Variants in CFAP418 observed in about 807,000 individuals in gnomAD.
CFAP418 encodes the protein cilia- and flagella-associated protein 418.
Under a neutral mutation model 24.7 loss-of-function variants are expected in CFAP418, and 27 were observed. That is an observed-to-expected ratio of 1.09 (90% CI 0.81 to 1.51). The LOEUF (loss-of-function observed/expected upper bound fraction) is 1.51, where lower values mean the gene tolerates loss of function less well. Ranked by LOEUF, CFAP418 falls within the 40% of genes most tolerant of loss-of-function variation. The probability of loss-of-function intolerance (pLI) is 0.00; values close to 1 mark genes in which losing one functional copy is unlikely to be tolerated. For synonymous variants in CFAP418, 74 were observed against 87.3 expected (o/e 0.85, Z 0.85); for missense variants, 257 against 255.2 (o/e 1.01, Z -0.05).
chr8:95,253,218 G>A (rs998018622), intron 4 of CFAP418, among the ~76,000 whole-genome samples: 1 of 152,090 alleles, frequency 6.6e-6, no homozygotes, highest in Non-Finnish European at 1.5e-5. Flanking sequence ...GCTGAGGCAG[G>A]AGAATGGCGT....
At chr8:95,265,249 T>C (rs984087259) in intron 1 of CFAP418, among the ~76,000 whole-genome samples, 1 of 152,150 alleles carries the variant, frequency 6.6e-6, no homozygotes, top group Admixed American at 6.5e-5. Flanking sequence ...TCTCCAGACA[T>C]TGCCAAATGC....
chr8:95,247,544 T>C lies in CFAP418; in HGVS notation c.*73A>G, dbSNP rs752272218. ...CAGGGAATGGTATTGCTAGGGACTA[T>C]TGTCTAAACATGATGATGATTCATG... On this transcript the variant is annotated 3_prime_UTR_variant, in exon 6 of 6. Transcript: ENST00000286688. 2 of 1,562,650 alleles carry C rather than the reference T, an allele frequency of 1.3e-6. No homozygotes were observed. The highest frequency in any genetic ancestry group is 2.2e-5 in the East Asian group (1 of 44,592).
chr8:95,268,885 C>T (rs1024020863), intron 1 of CFAP418, 150 bp downstream of exon 1: 12 of 804,502 alleles, frequency 1.5e-5, no homozygotes, highest in East Asian at 2.5e-5. Context: ...TGCGCTGCCG[C>T]GGAGGGTAGG....
chr8:95,263,780 A>G lies in CFAP418; in HGVS notation c.156-6T>C. On this transcript the variant is annotated splice_polypyrimidine_tract_variant and splice_region_variant and intron_variant, in intron 1 of 5. Coordinates refer to ENST00000286688, the MANE Select transcript of CFAP418 (RefSeq NM_177965.4). ...TTTTAAATGTTTCTGTTGATCTGAA[A>G]AGAAGACATACACAAAGAAAACTTA... 6.4e-7 allele frequency: 1 copy of G among 1,552,692 alleles called. No individual in the cohort carries two copies. Among genetic ancestry groups the G allele is most frequent in the Non-Finnish European group, 8.9e-7 (1 of 1,127,250 alleles).
At chr8:95,258,569 T>C (rs904815116) in intron 4 of CFAP418, among the ~76,000 whole-genome samples, 8 of 152,070 alleles carry the variant, frequency 5.3e-5, no homozygotes, top group Non-Finnish European at 1.0e-4. Context: ...AAGGTTAATA[T>C]TATTAAAGAC....
intron 1 of CFAP418, among the ~76,000 whole-genome samples, chr8:95,267,244 T>C (rs1422800483): frequency 6.6e-6 from 1 of 152,232 alleles, no homozygotes; most frequent in Non-Finnish European, 1.5e-5. Context: ...TTTTAGAAAT[T>C]TTGTTTATGT....
At chr8:95,258,315 G>T (rs1308213444) in intron 4 of CFAP418, among the ~76,000 whole-genome samples, 1 of 147,194 alleles carries the variant, frequency 6.8e-6, no homozygotes, top group African/African-American at 2.5e-5. Flanking sequence ...CTGGGAGGCG[G>T]AGCTTGCAGA....
At chr8:95,261,740 A>G (rs1262881412) in intron 2 of CFAP418, among the ~76,000 whole-genome samples, 1 of 152,226 alleles carries the variant, frequency 6.6e-6, no homozygotes, top group Non-Finnish European at 1.5e-5. Context: ...TCATGATTAT[A>G]AGAGCTACTT....
rs759908394 is a variant in CFAP418, at chr8:95,269,119, C to T, written c.71G>A (p.Arg24Gln). ...SKFCTPDLLR[R>Q]GMVEQPKGCG... ...GCCTTTGGGCTGCTCGACCATACCC[C>T]GTCTTAGAAGGTCAGGTGTGCAAAA... The change falls in exon 1 of 6, where the codon CGG becomes CAG. Residue 24 changes from arginine (R) to glutamine (Q), a missense_variant. By Grantham distance (43) the Arg-to-Gln change is conservative. Coordinates refer to ENST00000286688, the MANE Select transcript of CFAP418 (RefSeq NM_177965.4). 4 of 1,614,228 alleles carry T rather than the reference C, an allele frequency of 2.5e-6. No individual in the cohort carries two copies. The highest frequency in any genetic ancestry group is 1.7e-6 in the Non-Finnish European group (2 of 1,180,036).
In CFAP418 at chr8:95,252,209, G is replaced by T. The variant is rs149558233; in HGVS notation, c.449C>A (p.Ser150Ter). The change falls in exon 5 of 6, where the codon TCG (serine) becomes TAG (stop). Residue 150 changes from serine (S) to a stop codon, truncating the protein, a stop_gained. Transcript: ENST00000286688. LOFTEE classifies it high-confidence loss of function. ...ATACCTGAAAAACAGATAATCACAC[G>T]ATTTGTCCCACATATAGTCATCATA... The part of the protein sequence containing the change: ...VSYDDYMWDK[S>*]CDYLFFRNNM... The T allele has an allele frequency of 1.2e-6, 2 of 1,612,376 alleles. No individual in the cohort carries two copies. The highest frequency in any genetic ancestry group is 2.2e-5 in the South Asian group (2 of 90,804).
At chr8:95,252,306 A>G (rs377689407) in intron 4 of CFAP418, 23 bp from the exon 5 acceptor site, 375 of 1,502,050 alleles carry the variant, frequency 2.5e-4, no homozygotes, top group Non-Finnish European at 3.3e-4. Context: ...AAAAAATTGT[A>G]TATTAAAGAT....
intron 5 of CFAP418, among the ~76,000 whole-genome samples, chr8:95,251,158 G>A (rs1185296591): frequency 3.9e-5 from 6 of 152,178 alleles, no homozygotes; most frequent in African/African-American, 1.2e-4. Flanking sequence ...CCACAAGGAG[G>A]GAGGTAGTCA....
intron 4 of CFAP418, 82 bp downstream of exon 4, chr8:95,259,758 A>C (rs1811854335): frequency 1.0e-6 from 1 of 963,282 alleles, no homozygotes; most frequent in African/African-American, 1.7e-5. Flanking sequence ...ATTGATGTGA[A>C]GATGATAACT....
intron 5 of CFAP418, among the ~76,000 whole-genome samples, chr8:95,249,560 G>A (rs1003330815): frequency 4.6e-5 from 7 of 152,096 alleles, no homozygotes; most frequent in Non-Finnish European, 1.0e-4. Context: ...GGCTGAGGCC[G>A]AAGGATCCTT....
At chr8:95,262,590 C>A (rs1264456917) in intron 2 of CFAP418, among the ~76,000 whole-genome samples, 2 of 152,246 alleles carry the variant, frequency 1.3e-5, no homozygotes, top group East Asian at 3.9e-4. Context: ...ACACACCATA[C>A]TGATAAAAAT....
chr8:95,257,194 C>A (rs1043357228), intron 4 of CFAP418, among the ~76,000 whole-genome samples: 4 of 152,140 alleles, frequency 2.6e-5, no homozygotes, highest in Admixed American at 2.6e-4. Flanking sequence ...CTGAAAATGA[C>A]GGAGACAAGT....
chr8:95,258,801 A>G (rs1811837370), intron 4 of CFAP418, among the ~76,000 whole-genome samples: 1 of 152,194 alleles, frequency 6.6e-6, no homozygotes, highest in Non-Finnish European at 1.5e-5. Context: ...AGATACACAA[A>G]TATTTACCAT....
In CFAP418 at chr8:95,269,081, TGCCG is replaced by T; in HGVS notation, c.105_108del (p.Gly36ProfsTer47). 1 of 1,614,148 alleles carries T rather than the reference TGCCG, an allele frequency of 6.2e-7. No homozygotes were observed. The highest frequency in any genetic ancestry group is 8.5e-7 in the Non-Finnish European group (1 of 1,180,000). ...GCTTGGTTCCGGTCGCTACTGTGGG[TGCCG>T]CCGCCGCAGCCTTTGGGCTGCTCGA... On this transcript the variant is annotated frameshift_variant, in exon 1 of 6. Coordinates refer to ENST00000286688, the MANE Select transcript of CFAP418 (RefSeq NM_177965.4). LOFTEE classifies it high-confidence loss of function.
chr8:95,260,177 A>G (rs1365274685), intron 3 of CFAP418, among the ~76,000 whole-genome samples: 1 of 152,242 alleles, frequency 6.6e-6, no homozygotes, highest in African/African-American at 2.4e-5. Flanking sequence ...GGGACAAAGT[A>G]AATACTGAAG....
Sources: allele counts gnomAD v4.1 joint callset (sites outside exome capture counted in the v4.1 genomes callset), GRCh38; gene constraint gnomAD v4.1.1; transcripts MANE v1.5; gene names NCBI Gene and HGNC (gene_info 2026-07-23, HGNC 2026-07-21).